ADAMTS12: variants seen among roughly 807,000 people sequenced by gnomAD.
The protein encoded by ADAMTS12 is ADAM metallopeptidase with thrombospondin type 1 motif 12.
ADAMTS12 carries 118 observed loss-of-function variants against 167.8 expected under a neutral mutation model. That is an observed-to-expected ratio of 0.70 (90% confidence interval 0.61 to 0.82). The LOEUF is 0.82. Among genes scored for constraint, ADAMTS12 ranks in the 40% least tolerant of loss-of-function variants. ADAMTS12 has a pLI of 0.00. For missense variants in ADAMTS12, 1,916 were observed against 1,998.8 expected, an observed-to-expected ratio of 0.96 and a Z score of 0.79; for synonymous variants, 704 against 716.9, an observed-to-expected ratio of 0.98 and a Z score of 0.29.
In ADAMTS12 at chr5:33,891,961, C is replaced by T; in HGVS notation, c.-105G>A. On this transcript the variant is annotated 5_prime_UTR_variant, in exon 1 of 24. Coordinates refer to ENST00000504830, the MANE Select transcript of ADAMTS12 (RefSeq NM_030955.4). ...GCAGGAAGATGCAGGGGTGCATGGT[C>T]AGGCGCGAGAAGGCAGCGACTGCAA... The T allele has an allele frequency of 6.9e-7, 1 of 1,449,388 alleles. No homozygotes were observed. Among genetic ancestry groups the T allele is most frequent in the Non-Finnish European group, 9.3e-7 (1 of 1,078,994 alleles). The allele number at this position is 1,449,388 out of a possible 1,614,324, so 89.8% of individuals were successfully genotyped here. A position where few individuals can be genotyped will look rare whatever the true frequency, so the allele number is the denominator to read the frequency against.
chr5:33,637,494 G>T (rs1166702454), intron 12 of ADAMTS12, 83 bp downstream of exon 12: 4 of 1,412,296 alleles, frequency 2.8e-6, no homozygotes, highest in Non-Finnish European at 3.9e-6. Flanking sequence ...GCTTTGTGTG[G>T]ATCACAGAAA....
intron 2 of ADAMTS12, among the ~76,000 whole-genome samples, chr5:33,853,842 C>G (rs930438717): frequency 6.6e-6 from 1 of 152,148 alleles, no homozygotes; most frequent in East Asian, 1.9e-4. Flanking sequence ...TTCAGCTGAC[C>G]AGGGGAGGAT....
At chr5:33,735,306 C>G (rs568512337) in intron 3 of ADAMTS12, among the ~76,000 whole-genome samples, 2 of 152,198 alleles carry the variant, frequency 1.3e-5, no homozygotes, top group African/African-American at 4.8e-5. Context: ...CTTATAAGTT[C>G]CAGGGTGATG....
At chr5:33,600,082 C>T (rs528103231) in intron 16 of ADAMTS12, among the ~76,000 whole-genome samples, 1 of 152,182 alleles carries the variant, frequency 6.6e-6, no homozygotes. Context: ...TATGTTGCCA[C>T]AGCACTAAGT....
intron 7 of ADAMTS12, among the ~76,000 whole-genome samples, chr5:33,656,342 G>A (rs1033750874): frequency 6.6e-6 from 1 of 152,154 alleles, no homozygotes; most frequent in Admixed American, 6.6e-5. Flanking sequence ...AACTTTATTA[G>A]AGAAAATTTG....
intron 2 of ADAMTS12, among the ~76,000 whole-genome samples, chr5:33,863,527 C>T (rs1749700467): frequency 6.6e-6 from 1 of 152,086 alleles, no homozygotes. Context: ...CAAACCACTG[C>T]TTAAGGAAAT....
At chr5:33,588,061 T>C (rs1223760012) in intron 18 of ADAMTS12, among the ~76,000 whole-genome samples, 1 of 152,206 alleles carries the variant, frequency 6.6e-6, no homozygotes, top group Admixed American at 6.5e-5. Flanking sequence ...TTAGATCAAA[T>C]TAATTTTGGG....
chr5:33,542,979 C>CA, intron 22 of ADAMTS12, among the ~76,000 whole-genome samples: 1 of 152,232 alleles, frequency 6.6e-6, no homozygotes, highest in East Asian at 1.9e-4. Flanking sequence ...GAAACAAATT[C>CA]AAAAGCTAGC....
At chr5:33,668,437 A>C (rs7718859) in intron 5 of ADAMTS12, among the ~76,000 whole-genome samples, 145,063 of 152,138 alleles carry the variant, frequency 0.95, 69,542 homozygotes, top group Non-Finnish European at 1. Flanking sequence ...CATCTATTTT[A>C]ACCTACGGAT....
At chr5:33,830,289 G>A (rs1748244023) in intron 2 of ADAMTS12, among the ~76,000 whole-genome samples, 1 of 151,982 alleles carries the variant, frequency 6.6e-6, no homozygotes, top group Admixed American at 6.6e-5. Context: ...GAGAAAAATG[G>A]CAAAAAGGAG....
rs1400462191 is a variant in ADAMTS12, at chr5:33,641,805, C to G, written c.1718+5G>C. 1 of 1,600,472 alleles carries G rather than the reference C, an allele frequency of 6.2e-7. No individual in the cohort carries two copies. Among genetic ancestry groups the G allele is most frequent in the Non-Finnish European group, 8.5e-7 (1 of 1,170,930 alleles). ...GAGAAGGGAAATATATTTATCTGGA[C>G]TCACTCGGGGTTGTTGCAGAGCCTC... On this transcript the variant is annotated splice_donor_5th_base_variant and intron_variant, in intron 11 of 23. Transcript: ENST00000504830.
chr5:33,703,566 C>T (rs1188428306), intron 3 of ADAMTS12, among the ~76,000 whole-genome samples: 1 of 152,152 alleles, frequency 6.6e-6, no homozygotes, highest in African/African-American at 2.4e-5. Context: ...TCTTCCTCCC[C>T]CCAATCCTCT....
chr5:33,540,685 C>A (rs1314767788), intron 22 of ADAMTS12, among the ~76,000 whole-genome samples: 1 of 152,242 alleles, frequency 6.6e-6, no homozygotes, highest in Non-Finnish European at 1.5e-5. Flanking sequence ...GATACCCAGG[C>A]AAACAGGGTC....
intron 2 of ADAMTS12, among the ~76,000 whole-genome samples, chr5:33,856,406 G>A (rs573324941): frequency 2.0e-4 from 31 of 152,226 alleles, no homozygotes; most frequent in African/African-American, 7.5e-4. Flanking sequence ...ACATATTTGT[G>A]CAAATTGCAA....
chr5:33,560,801 AG>A (rs1745706888), intron 20 of ADAMTS12, among the ~76,000 whole-genome samples: 4 of 149,504 alleles, frequency 2.7e-5, no homozygotes, highest in Non-Finnish European at 5.9e-5. Context: ...GGATAGCATT[AG>A]GAGATATACC....
intron 3 of ADAMTS12, among the ~76,000 whole-genome samples, chr5:33,745,287 A>G (rs1482657680): frequency 6.6e-6 from 1 of 152,234 alleles, no homozygotes; most frequent in Non-Finnish European, 1.5e-5. Flanking sequence ...GGCAGATGGC[A>G]GCACAGGAAT....
chr5:33,742,296 G>C (rs1744616595), intron 3 of ADAMTS12, among the ~76,000 whole-genome samples: 1 of 146,030 alleles, frequency 6.8e-6, no homozygotes, highest in Admixed American at 6.9e-5. Flanking sequence ...TCAAACATCT[G>C]ATGTCAAATC....
intron 23 of ADAMTS12, among the ~76,000 whole-genome samples, chr5:33,531,892 C>T (rs971971046): frequency 6.6e-6 from 1 of 152,126 alleles, no homozygotes; most frequent in African/African-American, 2.4e-5. Context: ...ATGAGAGTGG[C>T]CTATATTGGC....
intron 2 of ADAMTS12, among the ~76,000 whole-genome samples, chr5:33,759,650 A>G (rs1476948999): frequency 6.6e-6 from 1 of 152,202 alleles, no homozygotes; most frequent in Non-Finnish European, 1.5e-5. Flanking sequence ...TGGTTAACAT[A>G]GTTGTTTATT....
Sources: gnomAD v4.1 joint callset for allele counts (sites outside exome capture counted in the v4.1 genomes callset) on GRCh38, gnomAD v4.1.1 for gene constraint, MANE v1.5 for transcripts, NCBI Gene and HGNC (gene_info 2026-07-23, HGNC 2026-07-21) for gene names.